MYO3B: variants seen among roughly 807,000 people sequenced by gnomAD.
The protein encoded by MYO3B is myosin IIIB.
In MYO3B, 156 loss-of-function variants were observed where a neutral mutation model predicts 174.6. The ratio of observed to expected loss-of-function variants is 0.89; its 90% CI spans 0.78 to 1.02. MYO3B has a LOEUF of 1.02. Among genes scored for constraint, MYO3B ranks in the 50% least tolerant of loss-of-function variants. The pLI, the probability that MYO3B is intolerant of heterozygous loss-of-function variation, is 0.00. For missense variants in MYO3B, 1,632 were observed against 1,639.4 expected, an observed-to-expected ratio of 1.00 and a Z score of 0.08; for synonymous variants, 563 against 569.1, an observed-to-expected ratio of 0.99 and a Z score of 0.15.
At chr2:170,642,811 A>C (rs1259889827) in intron 32 of MYO3B, among the ~76,000 whole-genome samples, 1 of 152,212 alleles carries the variant, frequency 6.6e-6, no homozygotes, top group Non-Finnish European at 1.5e-5. Flanking sequence ...CCTGTCTCCA[A>C]TAACCTGAGG....
rs148339821 is a variant in MYO3B at position 170,189,082 on chromosome 2, T to C, written c.3-10126T>C. Reference sequence around the variant, plus strand: ...TTTTGTTTGTCTGGGAAAGTCTTTATTTTTCCTTCCTGTTTGAAGGATATT... The same window carrying C: ...TTTTGTTTGTCTGGGAAAGTCTTTACTTTTCCTTCCTGTTTGAAGGATATT... On this transcript the variant is annotated intron_variant, in intron 1 of 34. Coordinates refer to ENST00000408978, the MANE Select transcript of MYO3B (RefSeq NM_138995.5). 8.7e-3 allele frequency among the ~76,000 whole-genome samples: 1,321 copies of C among 152,288 alleles called. 10 individuals are homozygous for C. The highest frequency in any genetic ancestry group is 0.017 in the Middle Eastern group (5 of 294).
intron 32 of MYO3B, among the ~76,000 whole-genome samples, chr2:170,552,560 C>T (rs1690990949): frequency 6.6e-6 from 1 of 152,108 alleles, no homozygotes; most frequent in Non-Finnish European, 1.5e-5. Context: ...CACTCATTTA[C>T]ATAAACAAAG....
intron 30 of MYO3B, among the ~76,000 whole-genome samples, chr2:170,541,272 G>T (rs1229820085): frequency 6.6e-6 from 1 of 152,174 alleles, no homozygotes; most frequent in African/African-American, 2.4e-5. Context: ...GAGGATCTTA[G>T]AATCCACCCA....
intron 25 of MYO3B, among the ~76,000 whole-genome samples, chr2:170,496,752 A>G (rs1686876962): frequency 6.6e-6 from 1 of 151,840 alleles, no homozygotes; most frequent in African/African-American, 2.4e-5. Flanking sequence ...CAAGCCTCCC[A>G]GGTAGCTGGG....
chr2:170,435,823 G>A (rs2094749527), intron 22 of MYO3B, among the ~76,000 whole-genome samples: 1 of 152,260 alleles, frequency 6.6e-6, no homozygotes, highest in African/African-American at 2.4e-5. Context: ...CCAGCTACAA[G>A]TCCTATAAAC....
At chr2:170,374,949 C>T (rs886487838) in intron 9 of MYO3B, among the ~76,000 whole-genome samples, 4 of 152,032 alleles carry the variant, frequency 2.6e-5, no homozygotes, top group Admixed American at 2.6e-4. Context: ...TATAATTGTG[C>T]CAATGCATGT....
At chr2:170,330,425 T>C (rs1166300361) in intron 7 of MYO3B, among the ~76,000 whole-genome samples, 1 of 152,210 alleles carries the variant, frequency 6.6e-6, no homozygotes, top group Non-Finnish European at 1.5e-5. Context: ...TAAAACCTGG[T>C]TCTTCCAATT....
intron 1 of MYO3B, among the ~76,000 whole-genome samples, chr2:170,183,583 T>G (rs886064458): frequency 6.6e-6 from 1 of 152,192 alleles, no homozygotes; most frequent in South Asian, 2.1e-4. Context: ...CAACTTAATT[T>G]TTTTCATTGT....
chr2:170,449,013 A>G (rs973940498), intron 23 of MYO3B, among the ~76,000 whole-genome samples: 31 of 152,228 alleles, frequency 2.0e-4, no homozygotes, highest in African/African-American at 7.2e-4. Context: ...TTGTACTTTT[A>G]AAGCCTTGAA....
At chr2:170,520,189 T>G (rs912725012) in intron 30 of MYO3B, among the ~76,000 whole-genome samples, 5 of 152,042 alleles carry the variant, frequency 3.3e-5, no homozygotes, top group Non-Finnish European at 7.4e-5. Context: ...GCAGTTGGCA[T>G]CTAATGGGCA....
chr2:170,535,996 C>CT (rs1035931499), intron 30 of MYO3B, among the ~76,000 whole-genome samples: 26 of 152,284 alleles, frequency 1.7e-4, no homozygotes, highest in African/African-American at 5.5e-4. Context: ...GTTGAGTGTC[C>CT]TTTTTTCCAA....
At chr2:170,247,657 A>C (rs962543757) in intron 7 of MYO3B, among the ~76,000 whole-genome samples, 1 of 152,312 alleles carries the variant, frequency 6.6e-6, no homozygotes, top group African/African-American at 2.4e-5. Context: ...AGATGTCATC[A>C]GATTTGGTGT....
chr2:170,622,416 T>G (rs1696003467), intron 32 of MYO3B, among the ~76,000 whole-genome samples: 2 of 152,178 alleles, frequency 1.3e-5, no homozygotes, highest in Non-Finnish European at 2.9e-5. Context: ...ACATGCTTGC[T>G]TAAAAAACAA....
Position 170,511,207 on chromosome 2 carries a change from C to T in MYO3B, c.3371-3714C>T, listed in dbSNP as rs554169069. On this transcript the variant is annotated intron_variant, in intron 28 of 34. Transcript: ENST00000408978. ...CCCAAGTAGCTGGGACTACAGGCGC[C>T]CGCCACCACGCCCAGCTAATTTTTT... 5.3e-5 allele frequency among the ~76,000 whole-genome samples: 8 copies of T among 151,920 alleles called. No homozygotes were observed. The South Asian group carries it at 1.7e-3, about 32-fold the overall frequency.
chr2:170,340,712 C>T (rs2093971923), intron 8 of MYO3B: 1 of 152,196 alleles, frequency 6.6e-6, no homozygotes, highest in East Asian at 1.9e-4. Context: ...AGATTCTTCT[C>T]AGCCTCTCTG....
At chr2:170,463,297 A>AT in intron 23 of MYO3B, 71 bp from the exon 24 acceptor site, 1 of 1,404,440 alleles carries the variant, frequency 7.1e-7, no homozygotes, top group Non-Finnish European at 1.0e-6. Context: ...AGGCTTTCGG[A>AT]TTTTGGAAGA....
chr2:170,240,611 T>G (rs767799732), intron 7 of MYO3B, among the ~76,000 whole-genome samples: 5 of 152,330 alleles, frequency 3.3e-5, no homozygotes, highest in African/African-American at 2.4e-5. Context: ...GAATTACATA[T>G]GTTGAGCACT....
At chr2:170,411,854 G>C (rs1435009419) in intron 22 of MYO3B, 1 of 152,262 alleles carries the variant, frequency 6.6e-6, no homozygotes, top group Admixed American at 6.5e-5. Flanking sequence ...CTGTGCCTGA[G>C]AGGCACACTC....
intron 8 of MYO3B, among the ~76,000 whole-genome samples, chr2:170,342,536 G>A (rs201257175): frequency 2.0e-5 from 3 of 151,632 alleles, no homozygotes; most frequent in Admixed American, 1.3e-4. Flanking sequence ...TGTAATCTTG[G>A]AAAGATATTT....
Sources: gnomAD v4.1 joint callset for allele counts (sites outside exome capture counted in the v4.1 genomes callset) on GRCh38, gnomAD v4.1.1 for gene constraint, MANE v1.5 for transcripts, NCBI Gene and HGNC (gene_info 2026-07-23, HGNC 2026-07-21) for gene names.